The following RNF216 variants were observed in gnomAD, a reference collection of about 807,000 sequenced individuals.
RNF216 encodes ring finger protein 216.
RNF216 carries 72 observed loss-of-function variants against 110.8 expected under a neutral mutation model. That is an observed-to-expected ratio of 0.65 (90% CI 0.54 to 0.79). The LOEUF (loss-of-function observed/expected upper bound fraction) is 0.79, where lower values mean the gene tolerates loss of function less well. Among genes scored for constraint, RNF216 ranks in the 30% least tolerant of loss-of-function variants. The pLI, the probability that RNF216 is intolerant of heterozygous loss-of-function variation, is 0.00. For missense variants in RNF216, 1,342 were observed against 1,141.2 expected (o/e 1.18, Z -2.54); for synonymous variants, 495 against 407.5 (o/e 1.21, Z -2.59).
chr7:5,698,766 T>C (rs747882809), intron 13 of RNF216, among the ~76,000 whole-genome samples: 9 of 152,202 alleles, frequency 5.9e-5, no homozygotes, highest in Non-Finnish European at 1.3e-4. Context: ...CTACCACTTA[T>C]ATAGAAGAAT....
intron 13 of RNF216, among the ~76,000 whole-genome samples, chr7:5,673,935 A>G (rs1291023557): frequency 6.9e-6 from 1 of 145,062 alleles, no homozygotes; most frequent in African/African-American, 2.6e-5. Context: ...ATCTCTGCTC[A>G]CTGCAACATC....
At chr7:5,633,810 G>A (rs970608904) in intron 15 of RNF216, among the ~76,000 whole-genome samples, 4 of 152,144 alleles carry the variant, frequency 2.6e-5, no homozygotes, top group African/African-American at 7.2e-5. Context: ...CCAGAAACGT[G>A]CTGCACTTGA....
intron 7 of RNF216, among the ~76,000 whole-genome samples, chr7:5,727,659 G>A (rs1291222443): frequency 6.6e-6 from 1 of 152,142 alleles, no homozygotes; most frequent in Non-Finnish European, 1.5e-5. Context: ...TTGAGCCCAG[G>A]TCAAGGTTGC....
chr7:5,763,906 C>T (rs116158225), intron 1 of RNF216, among the ~76,000 whole-genome samples: 1,802 of 152,152 alleles, frequency 0.012, 32 homozygotes, highest in African/African-American at 0.041. Context: ...ATAAAACAGA[C>T]GGCAGGGCAC....
chr7:5,647,424 C>G (rs1204263208), intron 14 of RNF216, among the ~76,000 whole-genome samples: 2 of 149,140 alleles, frequency 1.3e-5, no homozygotes, highest in Non-Finnish European at 3.0e-5. Flanking sequence ...GCCTCGAACT[C>G]CTGGGTTCAA....
chr7:5,761,072 T>C lies in RNF216; in HGVS notation c.-3A>G. The C allele has an allele frequency of 1.3e-6, 2 of 1,578,372 alleles. No homozygotes were observed. Among genetic ancestry groups the C allele is most frequent in the African/African-American group, 1.4e-5 (1 of 72,676 alleles). On this transcript the variant is annotated 5_prime_UTR_variant, in exon 2 of 17. An upstream open reading frame in the 5' UTR loses its in-frame stop. Coordinates refer to ENST00000389902, the MANE Select transcript of RNF216 (RefSeq NM_207111.4). The stretch of plus-strand genomic sequence containing the variant: ...TCATTGTTGTTTCCCTCTTCCATTT[T>C]CAAATGCAGACATGCATATATGGGA...
intron 1 of RNF216, among the ~76,000 whole-genome samples, chr7:5,774,055 GAAGAA>G (rs556825349): frequency 3.1e-4 from 47 of 152,336 alleles, no homozygotes; most frequent in Non-Finnish European, 5.4e-4. Flanking sequence ...CAACCTGTGA[GAAGAA>G]AAGAATTCTG....
At chr7:5,653,294 A>G (rs1378371651) in intron 13 of RNF216, among the ~76,000 whole-genome samples, 1 of 152,136 alleles carries the variant, frequency 6.6e-6, no homozygotes, top group Non-Finnish European at 1.5e-5. Context: ...CCACATCAGT[A>G]AGAATAATTT....
At chr7:5,735,857 G>A (rs564238152) in intron 5 of RNF216, among the ~76,000 whole-genome samples, 33 of 152,310 alleles carry the variant, frequency 2.2e-4, no homozygotes, top group African/African-American at 7.2e-4. Context: ...CACTTTGGGA[G>A]GCCGAGGCAG....
chr7:5,759,109 T>G (rs1026528492), intron 2 of RNF216, among the ~76,000 whole-genome samples: 1 of 152,162 alleles, frequency 6.6e-6, no homozygotes, highest in African/African-American at 2.4e-5. Flanking sequence ...TAAAAGTGTG[T>G]GGCACCTCTT....
Position 5,729,412 on chromosome 7 carries a change from A to G in RNF216, c.1389+20T>C. ...TGTAGTCAAGAGGTGTGACCCCAAC[A>G]GGAAGACCAAGTAGAGTACCTTTCG... is the stretch of plus-strand genomic sequence containing the variant. On this transcript the variant is annotated intron_variant, in intron 7 of 16. Transcript: ENST00000389902. The G allele has an allele frequency of 6.2e-7, 1 of 1,613,080 alleles. No homozygotes were observed. The highest frequency in any genetic ancestry group is 8.5e-7 in the Non-Finnish European group (1 of 1,179,108).
intron 9 of RNF216, among the ~76,000 whole-genome samples, chr7:5,719,493 A>T (rs1793278506): frequency 6.6e-6 from 1 of 152,240 alleles, no homozygotes; most frequent in Non-Finnish European, 1.5e-5. Context: ...ATGTTGTCAG[A>T]GACTACAGGG....
chr7:5,701,642 T>C (rs1378646134), intron 13 of RNF216, among the ~76,000 whole-genome samples: 1 of 152,092 alleles, frequency 6.6e-6, no homozygotes, highest in African/African-American at 2.4e-5. Flanking sequence ...AGCTAGTGAG[T>C]GGAGGAGCTA....
chr7:5,628,137 C>T (rs1786832601), intron 15 of RNF216, among the ~76,000 whole-genome samples: 1 of 152,190 alleles, frequency 6.6e-6, no homozygotes, highest in Non-Finnish European at 1.5e-5. Context: ...CATCCTCACC[C>T]TCCGAAGACA....
In RNF216 at chr7:5,730,586, T is replaced by C; in HGVS notation, c.1224+129A>G. 9 of 1,229,140 alleles carry C rather than the reference T, an allele frequency of 7.3e-6. No homozygotes were observed. The South Asian group carries it at 1.0e-4, about 14-fold the overall frequency. 76.1% of individuals were successfully genotyped at this position (1,229,140 alleles called of 1,614,324 possible). A position where few individuals can be genotyped will look rare whatever the true frequency, so the allele number is the denominator to read the frequency against. ...TATAGATATATTCTGAAATCCTATG[T>C]CCCTCGGCTAGTCTTTAAAAACTTG... On this transcript the variant is annotated intron_variant, in intron 6 of 16. Coordinates refer to ENST00000389902, the MANE Select transcript of RNF216 (RefSeq NM_207111.4).
intron 13 of RNF216, among the ~76,000 whole-genome samples, chr7:5,686,992 G>A (rs1791027848): frequency 1.3e-5 from 2 of 152,164 alleles, no homozygotes; most frequent in Admixed American, 6.5e-5. Flanking sequence ...GATGGGGACT[G>A]GGGATCCCTA....
At chr7:5,708,261 T>A (rs2128626339) in intron 13 of RNF216, among the ~76,000 whole-genome samples, 1 of 152,360 alleles carries the variant, frequency 6.6e-6, no homozygotes, top group East Asian at 1.9e-4. Flanking sequence ...GTCTATAGTG[T>A]TGTTCAAGTC....
At chr7:5,651,900 G>C (rs911898435) in intron 14 of RNF216, among the ~76,000 whole-genome samples, 3 of 152,176 alleles carry the variant, frequency 2.0e-5, no homozygotes, top group African/African-American at 7.2e-5. Context: ...GCCAGCCTCG[G>C]CCTCCCAAAG....
In RNF216 at chr7:5,695,654, T is replaced by C. The variant is rs894369649; in HGVS notation, c.2061+16107A>G. Among the ~76,000 whole-genome samples, 4 of 152,240 alleles carry C rather than the reference T, an allele frequency of 2.6e-5. No individual in the cohort carries two copies. The East Asian group carries it at 7.7e-4, about 29-fold the overall frequency. ...CCGAGAGAGATGACAGAATGGAAAGTTGTCATTTGTTGTGGTTTTGGCAGC... is the reference window on the plus strand; with the variant it reads ...CCGAGAGAGATGACAGAATGGAAAGCTGTCATTTGTTGTGGTTTTGGCAGC... On this transcript the variant is annotated intron_variant, in intron 13 of 16. Coordinates refer to ENST00000389902, the MANE Select transcript of RNF216 (RefSeq NM_207111.4).
Sources: gnomAD v4.1 joint callset for allele counts (sites outside exome capture counted in the v4.1 genomes callset) on GRCh38, gnomAD v4.1.1 for gene constraint, MANE v1.5 for transcripts, NCBI Gene and HGNC (gene_info 2026-07-23, HGNC 2026-07-21) for gene names.